Variants in CORIN observed in about 807,000 individuals in gnomAD.
CORIN encodes the protein corin, serine peptidase, also known as atrial natriuretic peptide-converting enzyme.
CORIN carries 117 observed loss-of-function variants against 125.3 expected under a neutral mutation model. That is an observed-to-expected ratio of 0.93 (90% CI 0.80 to 1.09). The LOEUF is 1.09. CORIN is among the 50% of genes least tolerant of loss of function. The pLI is 0.00. For synonymous variants in CORIN, 450 were observed against 466.4 expected, an observed-to-expected ratio of 0.96 and a Z score of 0.45; for missense variants, 1,253 against 1,306.7, an observed-to-expected ratio of 0.96 and a Z score of 0.63.
intron 19 of CORIN, among the ~76,000 whole-genome samples, chr4:47,616,665 T>C (rs1722078086): frequency 6.6e-6 from 1 of 152,118 alleles, no homozygotes; most frequent in Non-Finnish European, 1.5e-5. Flanking sequence ...GTAATGATCT[T>C]GACAAGAACG....
intron 5 of CORIN, among the ~76,000 whole-genome samples, chr4:47,734,816 T>C (rs1389604659): frequency 6.6e-6 from 1 of 152,216 alleles, no homozygotes; most frequent in Non-Finnish European, 1.5e-5. Flanking sequence ...CTCTACCTAC[T>C]AGGTGTTAGT....
In CORIN at chr4:47,835,990, GA is replaced by G. The variant is rs1012114165; in HGVS notation, c.63+1896del. On this transcript the variant is annotated intron_variant, in intron 1 of 21. Transcript: ENST00000273857. ...AGCCTACCCTGAAAGGAACTTTCTG[GA>G]AAGAGTCCCCTCCCCCTTAAAAAAT... Among the ~76,000 whole-genome samples the G allele has an allele frequency of 5.4e-4, 82 of 152,272 alleles. 1 individual carries two copies. Among genetic ancestry groups the G allele is most frequent in the African/African-American group, 1.9e-3 (81 of 41,550 alleles).
intron 1 of CORIN, among the ~76,000 whole-genome samples, chr4:47,835,225 C>G (rs564492403): frequency 6.6e-6 from 1 of 152,320 alleles, no homozygotes; most frequent in South Asian, 2.1e-4. Flanking sequence ...GGTCAGTACC[C>G]TTTAGCCAGC....
chr4:47,747,274 G>C (rs1462643090), intron 4 of CORIN, among the ~76,000 whole-genome samples: 1 of 151,978 alleles, frequency 6.6e-6, no homozygotes, highest in Non-Finnish European at 1.5e-5. Context: ...CATAATAATA[G>C]ATGAACACTT....
At chr4:47,650,367 C>T (rs1159326867) in intron 13 of CORIN, among the ~76,000 whole-genome samples, 3 of 152,130 alleles carry the variant, frequency 2.0e-5, no homozygotes, top group Non-Finnish European at 2.9e-5. Flanking sequence ...TTTATTTTGA[C>T]AGTCGATATA....
At chr4:47,761,501 A>G (rs1008976703) in intron 4 of CORIN, among the ~76,000 whole-genome samples, 2 of 151,970 alleles carry the variant, frequency 1.3e-5, no homozygotes, top group African/African-American at 4.8e-5. Flanking sequence ...ACACACACAC[A>G]CACACACATA....
chr4:47,657,340 T>G (rs931059708), intron 12 of CORIN, among the ~76,000 whole-genome samples: 1 of 151,972 alleles, frequency 6.6e-6, no homozygotes, highest in Non-Finnish European at 1.5e-5. Flanking sequence ...AAGACCATCC[T>G]GGCTAACACA....
chr4:47,658,767 T>C (rs1578977), intron 12 of CORIN, among the ~76,000 whole-genome samples: 40,064 of 152,196 alleles, frequency 0.26, 5,542 homozygotes, highest in Admixed American at 0.36. Flanking sequence ...CTTTTGGTTA[T>C]ACAAATTTCT....
intron 20 of CORIN, among the ~76,000 whole-genome samples, chr4:47,603,165 G>A (rs776549672): frequency 2.0e-5 from 3 of 152,134 alleles, no homozygotes; most frequent in South Asian, 2.1e-4. Context: ...GAGTTCTCAC[G>A]AGGTCTGATG....
chr4:47,722,078 T>C (rs1317239935), intron 5 of CORIN, among the ~76,000 whole-genome samples: 2 of 152,250 alleles, frequency 1.3e-5, no homozygotes, highest in Non-Finnish European at 2.9e-5. Flanking sequence ...TCACACATAC[T>C]GATGCAATCA....
intron 13 of CORIN, 89 bp from the exon 14 acceptor site, chr4:47,645,283 G>A (rs1031809112): frequency 1.2e-6 from 1 of 825,976 alleles, no homozygotes; most frequent in Non-Finnish European, 2.0e-6. Flanking sequence ...ACGCTATAAA[G>A]GCATGATGTT....
chr4:47,780,938 A>T (rs1228490623), intron 3 of CORIN, among the ~76,000 whole-genome samples: 3 of 151,836 alleles, frequency 2.0e-5, no homozygotes, highest in African/African-American at 7.2e-5. Context: ...TGACAAAGGA[A>T]ATGAAAAAGG....
rs758608893 is a variant in CORIN at position 47,623,901 on chromosome 4, T to C, written c.2363A>G (p.Gln788Arg). The C allele has an allele frequency of 1.2e-6, 2 of 1,613,728 alleles. No homozygotes were observed. Among genetic ancestry groups the C allele is most frequent in the East Asian group, 2.2e-5 (1 of 44,882 alleles). ...RSKISLLCTKQDCGRRPAARM... is the reference protein window; with the variant it reads ...RSKISLLCTKRDCGRRPAARM... ...TGCCACACCTCTAATTCTCTCACCT[T>C]GTTTAGTACACAGAAGAGAAATTTT... Residue 788 changes from glutamine (Q) to arginine (R), a missense_variant and splice_region_variant, in exon 18 of 22, where the codon CAA (glutamine) becomes CGA (arginine). Transcript: ENST00000273857.
chr4:47,670,961 C>T (rs552349652), intron 10 of CORIN, among the ~76,000 whole-genome samples: 1 of 152,228 alleles, frequency 6.6e-6, no homozygotes, highest in East Asian at 1.9e-4. Flanking sequence ...GGTTTTTAGG[C>T]TTTTTAAAAA....
At chr4:47,626,597 C>T in intron 16 of CORIN, 76 bp from the exon 17 acceptor site, 2 of 898,404 alleles carry the variant, frequency 2.2e-6, no homozygotes, top group Non-Finnish European at 1.9e-6. Flanking sequence ...ATTTAGCACT[C>T]ATTCCCTTTC....
At chr4:47,639,736 T>A (rs1282411938) in intron 16 of CORIN, among the ~76,000 whole-genome samples, 1 of 152,186 alleles carries the variant, frequency 6.6e-6, no homozygotes, top group Non-Finnish European at 1.5e-5. Context: ...ATTTGAGGCA[T>A]CGGTGGCAGA....
At chr4:47,603,333 T>A in intron 20 of CORIN, 64 bp downstream of exon 20, 1 of 1,518,992 alleles carries the variant, frequency 6.6e-7, no homozygotes, top group Non-Finnish European at 9.0e-7. Flanking sequence ...CTTTCCTTTA[T>A]AAATTACCCA....
intron 5 of CORIN, among the ~76,000 whole-genome samples, chr4:47,712,650 C>T (rs567163976): frequency 6.6e-6 from 1 of 152,192 alleles, no homozygotes; most frequent in South Asian, 2.1e-4. Context: ...CCCCTGGCTG[C>T]CACACAGAGA....
chr4:47,658,426 T>C (rs944506680), intron 12 of CORIN, among the ~76,000 whole-genome samples: 1 of 152,226 alleles, frequency 6.6e-6, no homozygotes, highest in African/African-American at 2.4e-5. Flanking sequence ...AAGCTGCCAG[T>C]GGATCTACCA....
Sources: allele counts gnomAD v4.1 joint callset (sites outside exome capture counted in the v4.1 genomes callset), GRCh38; gene constraint gnomAD v4.1.1; transcripts MANE v1.5; gene names NCBI Gene and HGNC (gene_info 2026-07-23, HGNC 2026-07-21).